The following PLOD2 variants were observed in gnomAD, a reference collection of about 807,000 sequenced individuals.
PLOD2 encodes the protein lysine hydroxylase 2.
A neutral mutation model predicts 101.0 loss-of-function variants in PLOD2; 65 were observed. The ratio of observed to expected loss-of-function variants is 0.64; its 90% confidence interval spans 0.53 to 0.79. The LOEUF is 0.79. PLOD2 is among the 30% of genes least tolerant of loss of function. The pLI, the probability that PLOD2 is intolerant of heterozygous loss-of-function variation, is 0.00. For missense variants in PLOD2, 909 were observed against 914.6 expected (o/e 0.99, Z 0.08); for synonymous variants, 314 against 302.9 (o/e 1.04, Z -0.38).
At chr3:146,073,492 G>A in intron 15 of PLOD2, 140 bp from the exon 16 acceptor site, 1 of 400,442 alleles carries the variant, frequency 2.5e-6, no homozygotes, top group East Asian at 3.8e-5. Flanking sequence ...AGAAATCACA[G>A]TATATAGCCT....
chr3:146,072,655 T>C lies in PLOD2; in HGVS notation c.1754A>G (p.Asp585Gly). ...TENIVEQPCP[D>G]VFWFPIFSEK... ...AGAAAATATGGGGAACCAAAAGACA[T>C]CTGGACAGGGCTATAAAATATGCAT... Residue 585 changes from aspartate to glycine, a missense_variant, in exon 17 of 20, where the codon GAT (aspartate) becomes GGT (glycine). Transcript: ENST00000282903. 1 of 1,599,040 alleles carries C rather than the reference T, an allele frequency of 6.3e-7. No homozygotes were observed. Among genetic ancestry groups the C allele is most frequent in the Non-Finnish European group, 8.6e-7 (1 of 1,167,220 alleles).
chr3:146,083,790 C>G (rs1326794782), intron 11 of PLOD2, among the ~76,000 whole-genome samples: 1 of 151,748 alleles, frequency 6.6e-6, no homozygotes, highest in Non-Finnish European at 1.5e-5. Context: ...ACTGTGTTAG[C>G]CAGGATGATC....
rs375203298 is a variant in PLOD2 at position 146,112,233 on chromosome 3, G to A, written c.339-1785C>T. Among the ~76,000 whole-genome samples the A allele has an allele frequency of 1.7e-4, 26 of 152,194 alleles. No individual in the cohort carries two copies. The South Asian group carries it at 3.5e-3, about 21-fold the overall frequency. ...CTGCAGCATTATTTACAATAGCAAA[G>A]ACTTGGAACCAACCCAAATGCCCAT... On this transcript the variant is annotated intron_variant, in intron 3 of 19. Transcript: ENST00000282903.
chr3:146,113,894 G>A (rs372043090), intron 3 of PLOD2, among the ~76,000 whole-genome samples: 1 of 152,152 alleles, frequency 6.6e-6, no homozygotes, highest in African/African-American at 2.4e-5. Context: ...TTACAAAAGC[G>A]AATAGGAGAA....
At chr3:146,138,059 T>A (rs1279984588) in intron 1 of PLOD2, among the ~76,000 whole-genome samples, 3 of 152,104 alleles carry the variant, frequency 2.0e-5, no homozygotes, top group African/African-American at 7.2e-5. Context: ...AATTGCAAAT[T>A]ACCATTTAGA....
chr3:146,095,381 C>T (rs1346580758), intron 7 of PLOD2, among the ~76,000 whole-genome samples: 1 of 149,074 alleles, frequency 6.7e-6, no homozygotes, highest in African/African-American at 2.5e-5. Context: ...AAAACCACTC[C>T]ATCAAAAAGT....
At position 146,072,648 on chromosome 3, in the gene PLOD2, A is replaced by G; in HGVS notation, c.1761T>C (p.Phe587=). The G allele has an allele frequency of 1.2e-6, 2 of 1,605,356 alleles. No individual in the cohort carries two copies. Among genetic ancestry groups the G allele is most frequent in the East Asian group, 2.2e-5 (1 of 44,714 alleles). ...CTTTTTCAGAAAATATGGGGAACCA[A>G]AAGACATCTGGACAGGGCTATAAAA... The part of the protein sequence containing the change: ...NIVEQPCPDV[F]WFPIFSEKAC... The change falls in exon 17 of 20, where the codon TTT becomes TTC. Residue 587 remains phenylalanine (F), a synonymous_variant. Coordinates refer to ENST00000282903, the MANE Select transcript of PLOD2 (RefSeq NM_182943.3).
At chr3:146,074,236 A>C (rs1313639655) in intron 15 of PLOD2, among the ~76,000 whole-genome samples, 2 of 151,572 alleles carry the variant, frequency 1.3e-5, no homozygotes, top group South Asian at 2.1e-4. Context: ...TAATATAAAT[A>C]TCCAAAAAGA....
chr3:146,149,379 A>T (rs2031950239), intron 1 of PLOD2, among the ~76,000 whole-genome samples: 1 of 152,186 alleles, frequency 6.6e-6, no homozygotes, highest in Non-Finnish European at 1.5e-5. Context: ...TATCAATTAT[A>T]GTTATTTTTT....
At chr3:146,084,879 CT>C (rs914780313) in intron 11 of PLOD2, among the ~76,000 whole-genome samples, 12 of 151,990 alleles carry the variant, frequency 7.9e-5, no homozygotes, top group African/African-American at 2.9e-4. Flanking sequence ...TAAAACAACT[CT>C]AAATTTTAGT....
chr3:146,092,038 T>G, intron 7 of PLOD2, 137 bp from the exon 8 acceptor site: 1 of 659,204 alleles, frequency 1.5e-6, no homozygotes, highest in Non-Finnish European at 2.8e-6. Flanking sequence ...ATATCATCTG[T>G]AGGTGCACAC....
intron 1 of PLOD2, among the ~76,000 whole-genome samples, chr3:146,139,021 A>G (rs2031389212): frequency 6.6e-6 from 1 of 152,156 alleles, no homozygotes; most frequent in Admixed American, 6.6e-5. Flanking sequence ...TAACAGGATT[A>G]CCCTGGTTGC....
intron 15 of PLOD2, chr3:146,075,799 A>G (rs1368775911): frequency 6.6e-6 from 1 of 151,764 alleles, no homozygotes; most frequent in Non-Finnish European, 1.5e-5. Context: ...ATATTGAAAG[A>G]GAACAAATTG....
At chr3:146,132,908 G>C (rs2030999269) in intron 1 of PLOD2, among the ~76,000 whole-genome samples, 1 of 152,314 alleles carries the variant, frequency 6.6e-6, no homozygotes, top group Non-Finnish European at 1.5e-5. Flanking sequence ...GCTGGATCCG[G>C]TAGCTCATGC....
intron 10 of PLOD2, chr3:146,085,567 G>GCATA (rs760664729): frequency 5.8e-4 from 268 of 463,772 alleles, no homozygotes; most frequent in Non-Finnish European, 6.9e-4. Context: ...AAATGTTTCT[G>GCATA]CATACATACA....
chr3:146,107,396 A>C (rs1937553284), intron 4 of PLOD2, among the ~76,000 whole-genome samples: 1 of 152,240 alleles, frequency 6.6e-6, no homozygotes, highest in African/African-American at 2.4e-5. Context: ...ATGGAAATGC[A>C]GCCAAGCTGC....
rs1261206100 is a variant in PLOD2, at chr3:146,070,653, C to G, written c.*64G>C. 4.5e-6 allele frequency: 5 copies of G among 1,103,118 alleles called. No individual in the cohort carries two copies. The African/African-American group carries it at 4.7e-5, about 10-fold the overall frequency. The allele number at this position is 1,103,118 out of a possible 1,614,324, so 68.3% of individuals were successfully genotyped here. A position where few individuals can be genotyped will look rare whatever the true frequency, so the allele number is the denominator to read the frequency against. ...CCTCTCATCTTCTCAGCCACAACTTCAAAGACGTGTTCATGCCAGTCATTC... is the reference window on the plus strand; with the variant it reads ...CCTCTCATCTTCTCAGCCACAACTTGAAAGACGTGTTCATGCCAGTCATTC... On this transcript the variant is annotated 3_prime_UTR_variant, in exon 20 of 20. Coordinates refer to ENST00000282903, the MANE Select transcript of PLOD2 (RefSeq NM_182943.3).
At chr3:146,095,246 C>T (rs1937108719) in intron 7 of PLOD2, among the ~76,000 whole-genome samples, 1 of 151,922 alleles carries the variant, frequency 6.6e-6, no homozygotes, top group East Asian at 1.9e-4. Flanking sequence ...GGAACTTCTG[C>T]TCTGCAAAAG....
chr3:146,096,900 G>C (rs1937197370), intron 7 of PLOD2, among the ~76,000 whole-genome samples: 1 of 110,942 alleles, frequency 9.0e-6, no homozygotes, highest in Non-Finnish European at 1.8e-5. Context: ...GAGTCGGCCA[G>C]CCGCCCCGTC....
Sources: allele counts gnomAD v4.1 joint callset (sites outside exome capture counted in the v4.1 genomes callset), GRCh38; gene constraint gnomAD v4.1.1; transcripts MANE v1.5; gene names NCBI Gene and HGNC (gene_info 2026-07-23, HGNC 2026-07-21).